Variants in ARHGEF37 observed in about 807,000 individuals in gnomAD.
ARHGEF37 encodes Rho guanine nucleotide exchange factor 37.
ARHGEF37 carries 55 observed loss-of-function variants against 71.1 expected under a neutral mutation model. That is an observed-to-expected ratio of 0.77 (90% CI 0.62 to 0.97). The LOEUF is 0.97. Among genes scored for constraint, ARHGEF37 ranks in the 50% least tolerant of loss-of-function variants. The pLI, the probability that ARHGEF37 is intolerant of heterozygous loss-of-function variation, is 0.00. For missense variants in ARHGEF37, 765 were observed against 836.8 expected, an observed-to-expected ratio of 0.91 and a Z score of 1.06; for synonymous variants, 327 against 350.6, an observed-to-expected ratio of 0.93 and a Z score of 0.75.
At chr5:149,595,452 A>AT (rs1763518709) in intron 1 of ARHGEF37, among the ~76,000 whole-genome samples, 1 of 152,196 alleles carries the variant, frequency 6.6e-6, no homozygotes, top group African/African-American at 2.4e-5. Context: ...AAGTTCTGGG[A>AT]TTACATACAT....
chr5:149,600,043 G>A (rs556661215), intron 2 of ARHGEF37, among the ~76,000 whole-genome samples: 33 of 152,190 alleles, frequency 2.2e-4, no homozygotes, highest in Non-Finnish European at 3.4e-4. Context: ...AAACCTAGAT[G>A]ATATAGCCTA....
chr5:149,559,442 T>A (rs1351424164), intron 1 of ARHGEF37, among the ~76,000 whole-genome samples: 3 of 152,254 alleles, frequency 2.0e-5, no homozygotes, highest in Non-Finnish European at 4.4e-5. Context: ...AATATCACTT[T>A]TAATGTCCAT....
intron 1 of ARHGEF37, among the ~76,000 whole-genome samples, chr5:149,559,733 T>G (rs934053523): frequency 2.0e-5 from 3 of 152,344 alleles, no homozygotes; most frequent in Non-Finnish European, 2.9e-5. Context: ...TCTTTTCATT[T>G]ATCTTTACAG....
At chr5:149,601,266 A>G (rs1408901473) in intron 3 of ARHGEF37, 35 bp downstream of exon 3, 1 of 1,600,040 alleles carries the variant, frequency 6.2e-7, no homozygotes, top group East Asian at 2.3e-5. Context: ...TCAGCCTTAG[A>G]TTCTCATGGA....
intron 1 of ARHGEF37, among the ~76,000 whole-genome samples, chr5:149,589,486 C>G (rs976072891): frequency 6.6e-6 from 1 of 151,980 alleles, no homozygotes; most frequent in Non-Finnish European, 1.5e-5. Context: ...CACCACCATG[C>G]CTGGCTAATT....
rs375588977 is a variant in ARHGEF37, at chr5:149,583,948, C to T, written c.-12+2324C>T. On this transcript the variant is annotated intron_variant, in intron 1 of 12. Coordinates refer to ENST00000333677, the MANE Select transcript of ARHGEF37 (RefSeq NM_001001669.3). ...GCTAATTTTTTACTTTTTGTAGACA[C>T]GGGGTCTTGCTATATTGCCCACGCT... 5.3e-5 allele frequency among the ~76,000 whole-genome samples: 8 copies of T among 152,154 alleles called. No homozygotes were observed. In the South Asian group the frequency reaches 8.3e-4, roughly 16 times the overall value.
At chr5:149,613,542 T>C (rs2113352823) in intron 4 of ARHGEF37, among the ~76,000 whole-genome samples, 1 of 152,150 alleles carries the variant, frequency 6.6e-6, no homozygotes, top group East Asian at 1.9e-4. Context: ...AGACAGGGTT[T>C]CACCATGTTG....
chr5:149,603,933 C>T (rs1763834654), intron 3 of ARHGEF37, among the ~76,000 whole-genome samples: 1 of 152,068 alleles, frequency 6.6e-6, no homozygotes, highest in South Asian at 2.1e-4. Context: ...GAGACTCTGT[C>T]TCAAAAATAA....
intron 1 of ARHGEF37, among the ~76,000 whole-genome samples, chr5:149,590,431 AC>A (rs1263882233): frequency 6.6e-6 from 1 of 151,666 alleles, no homozygotes; most frequent in African/African-American, 2.4e-5. Flanking sequence ...ACAGGTGCAC[AC>A]CAACATGCCT....
chr5:149,588,241 GAATCTTGCTCTGTCAGATTTTCTTTCTT>G (rs774362724), intron 1 of ARHGEF37, among the ~76,000 whole-genome samples: 76 of 151,602 alleles, frequency 5.0e-4, no homozygotes, highest in Non-Finnish European at 9.9e-4. Context: ...CTTTGAGACA[GAATCTTGCTCTGTCAGATTTTCTTTCTT>G]ACAGGGTTGT....
intron 1 of ARHGEF37, among the ~76,000 whole-genome samples, chr5:149,591,090 C>T (rs537018746): frequency 1.9e-4 from 29 of 151,974 alleles, no homozygotes; most frequent in African/African-American, 6.5e-4. Flanking sequence ...GAGACAGAGT[C>T]TCTCTCTGAT....
intron 1 of ARHGEF37, among the ~76,000 whole-genome samples, chr5:149,588,873 A>G (rs1372832828): frequency 2.6e-5 from 4 of 152,220 alleles, no homozygotes; most frequent in Non-Finnish European, 4.4e-5. Flanking sequence ...AGAACTTTCA[A>G]ATGATAATTT....
At chr5:149,615,201 C>G (rs898966346) in intron 4 of ARHGEF37, among the ~76,000 whole-genome samples, 7 of 152,046 alleles carry the variant, frequency 4.6e-5, no homozygotes, top group African/African-American at 7.2e-5. Flanking sequence ...GTTGCCCAGG[C>G]TGGAGTACAG....
rs771292397 is a variant in ARHGEF37, at chr5:149,628,822, T to C, written c.1674T>C (p.Tyr558=). 2 of 1,613,188 alleles carry C rather than the reference T, an allele frequency of 1.2e-6. No individual in the cohort carries two copies. The highest frequency in any genetic ancestry group is 2.2e-5 in the South Asian group (2 of 90,842). Residue 558 remains tyrosine (Y), a synonymous_variant, in exon 12 of 13, where the codon TAT becomes TAC. Transcript: ENST00000333677. ...CATGCTCCCTAGGACATCGTGGGTA[T>C]GTGCCGGCTGGGAAACTACAGCTGT... ...WLVDTGGHRG[Y]VPAGKLQLYH...
At chr5:149,604,106 T>C (rs192930295) in intron 3 of ARHGEF37, among the ~76,000 whole-genome samples, 5 of 152,304 alleles carry the variant, frequency 3.3e-5, no homozygotes, top group Non-Finnish European at 5.9e-5. Context: ...GGCTCTTCTA[T>C]AGCTACATGT....
intron 1 of ARHGEF37, among the ~76,000 whole-genome samples, chr5:149,563,202 C>G (rs1337705765): frequency 6.6e-6 from 1 of 152,206 alleles, no homozygotes; most frequent in African/African-American, 2.4e-5. Context: ...CCTGCTTCAT[C>G]AGTGTTCATT....
chr5:149,572,451 C>T (rs548143656), intron 1 of ARHGEF37, among the ~76,000 whole-genome samples: 2 of 152,234 alleles, frequency 1.3e-5, no homozygotes, highest in South Asian at 4.1e-4. Context: ...CAGTTGTATG[C>T]AGAATACTGT....
chr5:149,613,349 A>ATTTT (rs34322237), intron 4 of ARHGEF37, among the ~76,000 whole-genome samples: 1 of 145,184 alleles, frequency 6.9e-6, no homozygotes, highest in South Asian at 2.2e-4. Context: ...GATAGATAGA[A>ATTTT]TTTTTTTTTT....
Position 149,609,548 on chromosome 5 carries a change from G to T in ARHGEF37, c.311G>T (p.Gly104Val). 6.2e-7 allele frequency: 1 copy of T among 1,614,014 alleles called. No individual in the cohort carries two copies. Among genetic ancestry groups the T allele is most frequent in the Non-Finnish European group, 8.5e-7 (1 of 1,179,966 alleles). ...SKEEEQVQLV[G>V]NIFLEFQEEL... is the part of the protein sequence containing the mutation. ...CCCCTTGTTGCGTCTTCACTCTCAG[G>T]TAACATATTTCTGGAATTCCAAGAG... Residue 104 changes from glycine to valine, a missense_variant and splice_region_variant, in exon 4 of 13, where the codon GGT (glycine) becomes GTT (valine). Around this residue, in one of 5 missense-constraint regions of ARHGEF37, gnomAD observed 201 missense variants for 217.5 expected, o/e 0.92. Coordinates refer to ENST00000333677, the MANE Select transcript of ARHGEF37 (RefSeq NM_001001669.3).
Sources: gnomAD v4.1 joint callset for allele counts (sites outside exome capture counted in the v4.1 genomes callset) on GRCh38, gnomAD v4.1.1 for gene constraint, gnomAD v4.1.1 regional missense constraint, MANE v1.5 for transcripts, NCBI Gene and HGNC (gene_info 2026-07-23, HGNC 2026-07-21) for gene names.